Variants in BBS9 observed in about 807,000 individuals in gnomAD.
BBS9 encodes the protein protein PTHB1.
BBS9 carries 89 observed loss-of-function variants against 117.7 expected under a neutral mutation model. The observed-to-expected ratio is 0.76, with a 90% CI of 0.64 to 0.90. The LOEUF (loss-of-function observed/expected upper bound fraction) is 0.90. Among genes scored for constraint, BBS9 ranks in the 40% least tolerant of loss-of-function variants. The probability of loss-of-function intolerance (pLI) is 0.00; values close to 1 mark genes in which losing one functional copy is unlikely to be tolerated. For synonymous variants in BBS9, 379 were observed against 370.9 expected, an observed-to-expected ratio of 1.02 and a Z score of -0.25; for missense variants, 982 against 1,042.2, an observed-to-expected ratio of 0.94 and a Z score of 0.80.
chr7:33,201,834 C>T (rs1014120784), intron 5 of BBS9, among the ~76,000 whole-genome samples: 3 of 152,110 alleles, frequency 2.0e-5, no homozygotes, highest in African/African-American at 4.8e-5. Context: ...AAAAACTTGT[C>T]CCAGAGTCAC....
chr7:33,322,442 G>C (rs553451722), intron 9 of BBS9, among the ~76,000 whole-genome samples: 9 of 121,524 alleles, frequency 7.4e-5, no homozygotes, highest in Non-Finnish European at 1.2e-4. Flanking sequence ...TTTAGGTTTT[G>C]GATTTCCTCA....
chr7:33,466,320 C>A (rs562870075), intron 19 of BBS9, among the ~76,000 whole-genome samples: 1 of 152,202 alleles, frequency 6.6e-6, no homozygotes, highest in Non-Finnish European at 1.5e-5. Context: ...TCACTTCCCC[C>A]ACCTTCCAGC....
intron 1 of BBS9, among the ~76,000 whole-genome samples, chr7:33,135,636 A>T (rs1292672569): frequency 1.3e-5 from 2 of 152,024 alleles, no homozygotes; most frequent in Non-Finnish European, 2.9e-5. Context: ...TTCTTTTTTA[A>T]TTTTGAGATT....
intron 9 of BBS9, among the ~76,000 whole-genome samples, chr7:33,293,199 T>C (rs1444694873): frequency 6.6e-6 from 1 of 152,108 alleles, no homozygotes. Flanking sequence ...GAAAATATTT[T>C]ATATTTTTAT....
chr7:33,569,810 G>A (rs1236862638), intron 21 of BBS9, among the ~76,000 whole-genome samples: 20 of 152,188 alleles, frequency 1.3e-4, no homozygotes, highest in Admixed American at 1.2e-3. Context: ...ATAGACGAAT[G>A]TGTGCATGCA....
At chr7:33,591,495 T>G (rs1861910650) in intron 21 of BBS9, among the ~76,000 whole-genome samples, 1 of 152,118 alleles carries the variant, frequency 6.6e-6, no homozygotes, top group South Asian at 2.1e-4. Flanking sequence ...CCTTCATTAA[T>G]AATCCCTTCC....
chr7:33,587,353 C>T (rs1228054249), intron 21 of BBS9, among the ~76,000 whole-genome samples: 1 of 152,086 alleles, frequency 6.6e-6, no homozygotes, highest in Non-Finnish European at 1.5e-5. Context: ...AGCTCCTATT[C>T]TACATCCCCT....
intron 19 of BBS9, among the ~76,000 whole-genome samples, chr7:33,415,604 C>A (rs1831867761): frequency 6.6e-6 from 1 of 152,158 alleles, no homozygotes; most frequent in African/African-American, 2.4e-5. Context: ...ACAGAGATAT[C>A]AAGAAGTGGA....
chr7:33,352,729 C>G lies in BBS9; in HGVS notation c.1538-130C>G, dbSNP rs139882481. On this transcript the variant is annotated intron_variant, in intron 14 of 22. Transcript: ENST00000242067. ...GTGTTTGGAGAGTCATTTAAGTCAT[C>G]TGTGAGAATCTTGAAATTTTAATTT... is the stretch of plus-strand genomic sequence containing the variant. 30 of 1,041,914 alleles carry G rather than the reference C, an allele frequency of 2.9e-5. No individual in the cohort carries two copies. In the Admixed American group the frequency reaches 4.8e-4, roughly 17 times the overall value. 64.5% of individuals were successfully genotyped at this position (1,041,914 alleles called of 1,614,324 possible).
intron 19 of BBS9, among the ~76,000 whole-genome samples, chr7:33,492,215 A>C (rs558382149): frequency 0.015 from 2,135 of 139,430 alleles, 223 homozygotes; most frequent in African/African-American, 0.059. Flanking sequence ...AAAAAAAAAC[A>C]AAAAAAAAAC....
At chr7:33,300,899 A>G (rs1354330071) in intron 9 of BBS9, among the ~76,000 whole-genome samples, 1 of 152,160 alleles carries the variant, frequency 6.6e-6, no homozygotes, top group Non-Finnish European at 1.5e-5. Flanking sequence ...AAGGCATTTA[A>G]AAAAATCTGT....
chr7:33,274,854 G>T (rs1367623567), intron 9 of BBS9, among the ~76,000 whole-genome samples: 2 of 152,022 alleles, frequency 1.3e-5, no homozygotes, highest in Non-Finnish European at 2.9e-5. Flanking sequence ...AATTAGCCAG[G>T]TGTGGCGGCG....
chr7:33,302,947 G>A (rs1369425424), intron 9 of BBS9, among the ~76,000 whole-genome samples: 1 of 151,850 alleles, frequency 6.6e-6, no homozygotes, highest in African/African-American at 2.4e-5. Context: ...TAAATTTCTT[G>A]CATCAATGTT....
chr7:33,280,905 G>GTTGT (rs1801698155), intron 9 of BBS9, among the ~76,000 whole-genome samples: 1 of 48,772 alleles, frequency 2.1e-5, no homozygotes, highest in African/African-American at 9.1e-5. Flanking sequence ...TTAATTTGTC[G>GTTGT]TTTTTGTTTT....
rs552273505 is a variant in BBS9 at position 33,196,727 on chromosome 7, A to G, written c.442+19136A>G. Among the ~76,000 whole-genome samples, 301 of 152,280 alleles carry G rather than the reference A, an allele frequency of 2.0e-3. 2 individuals carry two copies. Among genetic ancestry groups the G allele is most frequent in the Non-Finnish European group, 4.0e-3 (271 of 68,004 alleles). ...CCCTCATTTGTTTTTAAGATCCTTT[A>G]TGGATCCACAGTGAGAAGTCGGAAG... is the stretch of plus-strand genomic sequence containing the variant. On this transcript the variant is annotated intron_variant, in intron 5 of 22. Coordinates refer to ENST00000242067, the MANE Select transcript of BBS9 (RefSeq NM_198428.3).
intron 9 of BBS9, among the ~76,000 whole-genome samples, chr7:33,275,321 A>G (rs1800574725): frequency 1.3e-5 from 2 of 152,214 alleles, no homozygotes; most frequent in African/African-American, 4.8e-5. Context: ...AAGTTTTGAG[A>G]TTGGCTTTTG....
In BBS9 at chr7:33,486,483, C is replaced by T. The variant is rs185581750; in HGVS notation, c.2116-18980C>T. On this transcript the variant is annotated intron_variant, in intron 19 of 22. Coordinates refer to ENST00000242067, the MANE Select transcript of BBS9 (RefSeq NM_198428.3). ...CAGTGCACTTAAGTAGTTGCTAAAC[C>T]TAAATGGATCCTGTTAAGAATTACT... Among the ~76,000 whole-genome samples the T allele has an allele frequency of 1.7e-3, 260 of 152,256 alleles. 5 individuals are homozygous for T. Among genetic ancestry groups the T allele is most frequent in the Admixed American group, 0.014 (207 of 15,296 alleles).
chr7:33,244,951 T>C (rs1358814151), intron 5 of BBS9, among the ~76,000 whole-genome samples: 1 of 152,182 alleles, frequency 6.6e-6, no homozygotes, highest in Non-Finnish European at 1.5e-5. Flanking sequence ...TCAGGGAGTA[T>C]CCTAATTAGT....
At chr7:33,574,675 G>T (rs532317128) in intron 21 of BBS9, among the ~76,000 whole-genome samples, 1 of 140,770 alleles carries the variant, frequency 7.1e-6, no homozygotes, top group East Asian at 2.1e-4. Flanking sequence ...TGTACTGGAA[G>T]TCATAGAAAA....
Sources: gnomAD v4.1 joint callset for allele counts (sites outside exome capture counted in the v4.1 genomes callset) on GRCh38, gnomAD v4.1.1 for gene constraint, MANE v1.5 for transcripts, NCBI Gene and HGNC (gene_info 2026-07-23, HGNC 2026-07-21) for gene names.